TRPM1: variants seen among roughly 807,000 people sequenced by gnomAD.
TRPM1 encodes transient receptor potential cation channel subfamily M member 1.
TRPM1 carries 113 observed loss-of-function variants against 149.4 expected under a neutral mutation model. That is an observed-to-expected ratio of 0.76 (90% CI 0.65 to 0.88). The LOEUF is 0.88. Ranked by LOEUF, TRPM1 falls within the 40% of genes least tolerant of loss-of-function variation. The pLI is 0.00. For synonymous variants in TRPM1, 741 were observed against 759.5 expected (o/e 0.98, Z 0.40); for missense variants, 1,976 against 2,038.7 (o/e 0.97, Z 0.59).
chr15:31,016,991 A>C lies in TRPM1; in HGVS notation c.3629+9148T>G, dbSNP rs920455499. ...CACACACACACACACACACACACAA[A>C]AAAAAAACTTGTTTTTTAAATTAAG... On this transcript the variant is annotated intron_variant, in intron 27 of 27. Coordinates refer to ENST00000256552, the MANE Select transcript of TRPM1 (RefSeq NM_001252024.2). Among the ~76,000 whole-genome samples, 20 of 69,820 alleles carry C rather than the reference A, an allele frequency of 2.9e-4. 1 individual carries two copies. Among genetic ancestry groups the C allele is most frequent in the East Asian group, 2.3e-3 (10 of 4,260 alleles). The allele number at this position is 69,820 out of a possible 152,430, so 45.8% of individuals were successfully genotyped here.
chr15:31,027,866 T>C (rs142033176), intron 25 of TRPM1, among the ~76,000 whole-genome samples: 8 of 152,350 alleles, frequency 5.3e-5, no homozygotes, highest in Admixed American at 5.2e-4. Context: ...TATAAGAAAC[T>C]CGATTTAACC....
intron 1 of TRPM1, among the ~76,000 whole-genome samples, chr15:31,110,153 A>G (rs2035665146): frequency 6.6e-6 from 1 of 152,224 alleles, no homozygotes; most frequent in Non-Finnish European, 1.5e-5. Context: ...TAGCACTACT[A>G]CTACTAGCTT....
chr15:31,037,226 A>C (rs577427172), intron 20 of TRPM1, among the ~76,000 whole-genome samples: 157 of 152,350 alleles, frequency 1.0e-3, no homozygotes, highest in Non-Finnish European at 1.5e-3. Flanking sequence ...CTTGCCAGCC[A>C]AGCGGGTCAG....
At chr15:31,147,226 A>G (rs2036234600) in intron 1 of TRPM1, among the ~76,000 whole-genome samples, 1 of 152,224 alleles carries the variant, frequency 6.6e-6, no homozygotes, top group Non-Finnish European at 1.5e-5. Context: ...CTCCAAGAAC[A>G]CTGCCTGGCA....
At chr15:31,084,325 TA>T (rs1181631585) in intron 1 of TRPM1, among the ~76,000 whole-genome samples, 8 of 152,102 alleles carry the variant, frequency 5.3e-5, no homozygotes, top group African/African-American at 1.7e-4. Flanking sequence ...TGATCACTCC[TA>T]AAAAAAGCCG....
rs981632344 is a variant in TRPM1, at chr15:31,081,384, T to C, written c.-29A>G. 57 of 1,534,544 alleles carry C rather than the reference T, an allele frequency of 3.7e-5. No homozygotes were observed. The Admixed American group carries it at 8.0e-4, about 22-fold the overall frequency. On this transcript the variant is annotated 5_prime_UTR_variant, in exon 2 of 28. Transcript: ENST00000256552. ...TTTTCAAAAAGTTGATATAAGGAAA[T>C]AGCCTCAGTCCAGCACTGCAAGTTA...
At chr15:31,073,215 C>A (rs1030224738) in intron 3 of TRPM1, among the ~76,000 whole-genome samples, 20 of 152,126 alleles carry the variant, frequency 1.3e-4, no homozygotes, top group Non-Finnish European at 2.6e-4. Context: ...TATTCTTTTG[C>A]ATGTGGCTAT....
intron 17 of TRPM1, among the ~76,000 whole-genome samples, chr15:31,041,635 T>C (rs995672955): frequency 6.6e-6 from 1 of 152,210 alleles, no homozygotes; most frequent in African/African-American, 2.4e-5. Flanking sequence ...ATTAATGTTG[T>C]ATTCCTTGTT....
At position 31,026,941 on chromosome 15, in the gene TRPM1, T is replaced by C. The variant is rs1039546108; in HGVS notation, c.3470A>G (p.Asp1157Gly). ...SGRCRKKREG[D>G]QEERDRGLKL... ...CAATCCACGATCCCGTTCCTCTTGG[T>C]CCCCTTCTCTCTTTTTCCTGCAGCG... Residue 1157 changes from aspartate to glycine, a missense_variant, in exon 26 of 28, where the codon GAC becomes GGC. Asp to Gly is a moderately conservative substitution (Grantham distance 94, BLOSUM62 -1). Transcript: ENST00000256552. The C allele has an allele frequency of 2.5e-6, 4 of 1,613,926 alleles. No homozygotes were observed. The African/African-American group carries it at 5.3e-5, about 22-fold the overall frequency.
chr15:31,114,966 G>A (rs890548002), intron 1 of TRPM1, among the ~76,000 whole-genome samples: 9 of 152,248 alleles, frequency 5.9e-5, no homozygotes, highest in Non-Finnish European at 1.0e-4. Context: ...AGTTAAAATA[G>A]ATCTGAGGCT....
intron 22 of TRPM1, among the ~76,000 whole-genome samples, chr15:31,032,250 T>C (rs1251535284): frequency 6.6e-6 from 1 of 152,116 alleles, no homozygotes; most frequent in African/African-American, 2.4e-5. Flanking sequence ...TTTTCTTTTA[T>C]ATTGCTGTCA....
chr15:31,012,220 T>C (rs2032212050), intron 27 of TRPM1, among the ~76,000 whole-genome samples: 1 of 152,258 alleles, frequency 6.6e-6, no homozygotes, highest in African/African-American at 2.4e-5. Context: ...CTTTATTTCT[T>C]CATGTGGATC....
At chr15:31,112,406 AG>A (rs2035702272) in intron 1 of TRPM1, among the ~76,000 whole-genome samples, 3 of 152,124 alleles carry the variant, frequency 2.0e-5, no homozygotes, top group Admixed American at 2.0e-4. Flanking sequence ...TGAACCTGGG[AG>A]GTGGAGGTTG....
chr15:31,022,456 C>A (rs944194185), intron 27 of TRPM1, among the ~76,000 whole-genome samples: 10 of 152,162 alleles, frequency 6.6e-5, no homozygotes, highest in African/African-American at 2.4e-4. Flanking sequence ...CATAGTGAGA[C>A]CCTGTTTCTA....
At chr15:31,042,428 A>G in intron 16 of TRPM1, 185 bp from the exon 17 acceptor site, 2 of 665,522 alleles carry the variant, frequency 3.0e-6, no homozygotes, top group Admixed American at 5.7e-5. Context: ...ATGATAAGTA[A>G]ACTATCTAAA....
intron 1 of TRPM1, among the ~76,000 whole-genome samples, chr15:31,155,114 C>T (rs967076368): frequency 3.3e-5 from 5 of 152,206 alleles, no homozygotes; most frequent in African/African-American, 1.2e-4. Context: ...AATTCTGCAT[C>T]CAAGCAGATT....
rs186217193 is a variant in TRPM1, at chr15:31,067,895, G to A, written c.477C>T (p.Thr159=). The change falls in exon 5 of 28, where the codon ACC becomes ACT. Residue 159 remains threonine (T), a synonymous_variant. Transcript: ENST00000256552. ...AAMTTGAWIF[T]GGVSTGVISH... ...TGCTCTTACCTGTGCTGACACCCCC[G>A]GTGAAGATCCAGGCCCCGGTGGTCA... The A allele has an allele frequency of 4.6e-5, 75 of 1,613,180 alleles. No individual in the cohort carries two copies. The highest frequency in any genetic ancestry group is 2.5e-4 in the East Asian group (11 of 44,888).
At chr15:31,015,122 C>A (rs1435593005) in intron 27 of TRPM1, among the ~76,000 whole-genome samples, 3 of 148,238 alleles carry the variant, frequency 2.0e-5, no homozygotes, top group Admixed American at 1.4e-4. Context: ...AGATATATAA[C>A]CTTGGCTGGG....
At chr15:31,105,472 T>TGCGC (rs1324745559), upstream of TRPM1, among the ~76,000 whole-genome samples, 7 of 83,772 alleles carry the variant, frequency 8.4e-5, no homozygotes, top group African/African-American at 2.3e-4. Flanking sequence ...TGTGTGTGTG[T>TGCGC]GCGCGCGCGC....
Sources: gnomAD v4.1 joint callset for allele counts (sites outside exome capture counted in the v4.1 genomes callset) on GRCh38, gnomAD v4.1.1 for gene constraint, MANE v1.5 for transcripts, NCBI Gene and HGNC (gene_info 2026-07-23, HGNC 2026-07-21) for gene names.